ATP2B2: variants seen among roughly 807,000 people sequenced by gnomAD.
ATP2B2 encodes the protein ATPase plasma membrane Ca2+ transporting 2.
In ATP2B2, 15 loss-of-function variants were observed where a neutral mutation model predicts 120.0. The ratio of observed to expected loss-of-function variants is 0.12; its 90% CI spans 0.08 to 0.19. The LOEUF is 0.19. ATP2B2 is among the 10% of genes least tolerant of loss of function. The probability of loss-of-function intolerance (pLI) is 1.00; values close to 1 mark genes in which losing one functional copy is unlikely to be tolerated. For synonymous variants in ATP2B2, 694 were observed against 700.3 expected (o/e 0.99, Z 0.14); for missense variants, 1,045 against 1,719.8 (o/e 0.61, Z 6.94).
chr3:10,699,383 A>G (rs960704879), intron 1 of ATP2B2, among the ~76,000 whole-genome samples: 9 of 152,350 alleles, frequency 5.9e-5, no homozygotes, highest in African/African-American at 1.9e-4. Context: ...ATAAGGTAGA[A>G]GTATATTTAT....
intron 1 of ATP2B2, among the ~76,000 whole-genome samples, chr3:10,664,306 G>A (rs35030025): frequency 6.6e-6 from 1 of 151,938 alleles, no homozygotes; most frequent in Admixed American, 6.6e-5. Flanking sequence ...AGTGGTCAGC[G>A]GCTGAGAGGA....
At chr3:10,466,864 A>G in intron 1 of ATP2B2, among the ~76,000 whole-genome samples, 1 of 152,250 alleles carries the variant, frequency 6.6e-6, no homozygotes, top group East Asian at 1.9e-4. Context: ...ATTGCATCCC[A>G]GAGATAGCGA....
intron 1 of ATP2B2, among the ~76,000 whole-genome samples, chr3:10,649,427 C>T (rs2070396655): frequency 6.6e-6 from 1 of 152,234 alleles, no homozygotes; most frequent in African/African-American, 2.4e-5. Context: ...TCACCCCCGC[C>T]AGCCTCATCT....
At chr3:10,656,896 T>C (rs1028317089) in intron 1 of ATP2B2, among the ~76,000 whole-genome samples, 1 of 152,142 alleles carries the variant, frequency 6.6e-6, no homozygotes, top group African/African-American at 2.4e-5. Flanking sequence ...GCTAAGGCCC[T>C]GGGGCAGGAG....
chr3:10,399,073 G>A (rs2062135861), intron 5 of ATP2B2, among the ~76,000 whole-genome samples: 1 of 152,150 alleles, frequency 6.6e-6, no homozygotes, highest in Non-Finnish European at 1.5e-5. Context: ...CTTCCTGCCA[G>A]CATCCTCCCC....
chr3:10,383,462 C>T (rs995715934), intron 8 of ATP2B2, among the ~76,000 whole-genome samples: 1 of 152,226 alleles, frequency 6.6e-6, no homozygotes, highest in African/African-American at 2.4e-5. Flanking sequence ...TCTTTGACCA[C>T]AGAATCCTTT....
At chr3:10,578,301 T>A (rs1466395750) in intron 2 of ATP2B2, among the ~76,000 whole-genome samples, 1 of 151,986 alleles carries the variant, frequency 6.6e-6, no homozygotes, top group Non-Finnish European at 1.5e-5. Flanking sequence ...GGCCCAGCAA[T>A]CCCACTCCAC....
rs2060336342 is a variant in ATP2B2 at position 10,343,347 on chromosome 3, C to T, written c.2704-382G>A. Among the ~76,000 whole-genome samples the T allele has an allele frequency of 1.3e-5, 2 of 151,976 alleles. No homozygotes were observed. The highest frequency in any genetic ancestry group is 4.2e-4 in the South Asian group (2 of 4,794). On this transcript the variant is annotated intron_variant, in intron 18 of 22. Transcript: ENST00000360273. The surrounding 1 kb of genome is among the most constrained non-coding windows in gnomAD (Gnocchi z 4.2). ...CCGGCATGGGCTCCTACCTCCTCCC[C>T]CCACTGCCTCCTCCCCCTCGGGCTT...
At position 10,371,933 on chromosome 3, in the gene ATP2B2, A is replaced by G. The variant is rs771678072; in HGVS notation, c.1535T>C (p.Val512Ala). 176 of 1,614,056 alleles carry G rather than the reference A, an allele frequency of 1.1e-4. No individual in the cohort carries two copies. The highest frequency in any genetic ancestry group is 1.5e-4 in the Non-Finnish European group (174 of 1,180,034). Residue 512 changes from valine to alanine, a missense_variant, in exon 12 of 23, where the codon GTA (valine) becomes GCA (alanine). Around this residue, in one of 11 missense-constraint regions of ATP2B2, gnomAD observed 343 missense variants for 536.8 expected, o/e 0.64. Coordinates refer to ENST00000360273, the MANE Select transcript of ATP2B2 (RefSeq NM_001001331.4). ...GTLTTNRMTV[V>A]QAYVGDVHYK... Reference sequence around the variant, plus strand: ...GTGGACGTCGCCGACATAGGCCTGTACCACTGTCATGCGATTGGTGGTCAG... The same window carrying G: ...GTGGACGTCGCCGACATAGGCCTGTGCCACTGTCATGCGATTGGTGGTCAG...
intron 3 of ATP2B2, among the ~76,000 whole-genome samples, chr3:10,523,471 C>T (rs1042935879): frequency 4.6e-5 from 7 of 152,222 alleles, no homozygotes; most frequent in Non-Finnish European, 8.8e-5. Context: ...GCCCTCATTG[C>T]TCATGGAAGG....
intron 2 of ATP2B2, among the ~76,000 whole-genome samples, chr3:10,612,854 A>G (rs9858042): frequency 0.83 from 126,063 of 152,160 alleles, 52,318 homozygotes; most frequent in Middle Eastern, 0.95. Flanking sequence ...ACAGGCTTTC[A>G]TCCCTGGTTC....
intron 2 of ATP2B2, among the ~76,000 whole-genome samples, chr3:10,585,377 C>G (rs182967069): frequency 6.6e-6 from 1 of 151,454 alleles, no homozygotes; most frequent in East Asian, 2.0e-4. Context: ...CGCCTGTAGT[C>G]CCAGCTACTC....
At chr3:10,528,213 C>T (rs1413038217) in intron 3 of ATP2B2, among the ~76,000 whole-genome samples, 3 of 152,142 alleles carry the variant, frequency 2.0e-5, no homozygotes, top group African/African-American at 7.2e-5. Context: ...AACTGGCTGG[C>T]ATGGAGCAGC....
rs1199021823 is a variant in ATP2B2 at position 10,432,690 on chromosome 3, A to AG, written c.199+16654dup. ...TCCTTGAGGCTGGCAAGGAGGTGGCAGGGGCATGTCTTCACTAGCTTAGAT... is the reference window on the plus strand; with the variant it reads ...TCCTTGAGGCTGGCAAGGAGGTGGCAGGGGGCATGTCTTCACTAGCTTAGAT... On this transcript the variant is annotated intron_variant, in intron 2 of 22. Transcript: ENST00000360273. Among the ~76,000 whole-genome samples the AG allele has an allele frequency of 3.3e-5, 5 of 152,362 alleles. 1 individual carries two copies. Among genetic ancestry groups the AG allele is most frequent in the Admixed American group, 3.3e-4 (5 of 15,306 alleles).
chr3:10,587,761 TTG>T (rs2068547829), intron 2 of ATP2B2, among the ~76,000 whole-genome samples: 1 of 152,128 alleles, frequency 6.6e-6, no homozygotes, highest in Admixed American at 6.5e-5. Context: ...GTTTGTTTGT[TTG>T]TTTGTTTGTT....
chr3:10,437,777 T>A (rs1054044729), intron 2 of ATP2B2, among the ~76,000 whole-genome samples: 3 of 151,920 alleles, frequency 2.0e-5, no homozygotes, highest in African/African-American at 7.3e-5. Context: ...GGAGATAGAG[T>A]CATTGTAGAG....
intron 4 of ATP2B2, among the ~76,000 whole-genome samples, 199 bp downstream of exon 4, chr3:10,401,892 T>C (rs1229734965): frequency 1.3e-5 from 2 of 152,206 alleles, no homozygotes; most frequent in Non-Finnish European, 2.9e-5. Flanking sequence ...TCATTTCTGA[T>C]TTAAATGGAT....
intron 3 of ATP2B2, among the ~76,000 whole-genome samples, chr3:10,410,092 T>G (rs1003323209): frequency 1.3e-4 from 20 of 152,218 alleles, no homozygotes; most frequent in African/African-American, 4.8e-4. Context: ...CTTTATTAGC[T>G]GGTGACCTCG....
At chr3:10,354,282 G>A (rs1169648211) in intron 14 of ATP2B2, among the ~76,000 whole-genome samples, 5 of 152,150 alleles carry the variant, frequency 3.3e-5, no homozygotes, top group African/African-American at 9.7e-5. Context: ...CTGAGGATCC[G>A]GAGATGATTA....
Sources: allele counts gnomAD v4.1 joint callset (sites outside exome capture counted in the v4.1 genomes callset), GRCh38; gene constraint gnomAD v4.1.1; regional missense constraint gnomAD v4.1.1; non-coding constraint Gnocchi (gnomAD v3.1); transcripts MANE v1.5; gene names NCBI Gene and HGNC (gene_info 2026-07-23, HGNC 2026-07-21).